GTSE1: variants seen among roughly 807,000 people sequenced by gnomAD.
GTSE1 encodes G2 and S-phase expressed 1.
In GTSE1, 52 loss-of-function variants were observed where a neutral mutation model predicts 60.5. That is an observed-to-expected ratio of 0.86 (90% CI 0.69 to 1.08). The LOEUF is 1.08. GTSE1 is among the 50% of genes least tolerant of loss of function. The pLI is 0.00. For missense variants in GTSE1, 937 were observed against 961.8 expected (o/e 0.97, Z 0.34); for synonymous variants, 368 against 386.5 (o/e 0.95, Z 0.56).
rs749545788 is a variant in GTSE1 at position 46,318,622 on chromosome 22, A to G, written c.1432+2210A>G. On this transcript the variant is annotated intron_variant, in intron 7 of 11. Coordinates refer to ENST00000454366, the MANE Select transcript of GTSE1 (RefSeq NM_016426.7). This position sits in a 1 kb window ranked among gnomAD's most constrained non-coding sequence, Gnocchi z 4.8. ...GGAGGTGACACGGGACTGAGATCTG[A>G]ACCAGGAGACTGAGGCAGCCGGTAG... Among the ~76,000 whole-genome samples the G allele has an allele frequency of 6.6e-6, 1 of 152,096 alleles. No homozygotes were observed. The highest frequency in any genetic ancestry group is 1.5e-5 in the Non-Finnish European group (1 of 68,024).
chr22:46,301,156 A>C (rs544330702), intron 2 of GTSE1, among the ~76,000 whole-genome samples: 1 of 152,312 alleles, frequency 6.6e-6, no homozygotes, highest in African/African-American at 2.4e-5. Context: ...GTGGGTGAAC[A>C]TTTAGTTTGT....
intron 5 of GTSE1, among the ~76,000 whole-genome samples, chr22:46,312,903 A>C (rs567904675): frequency 6.6e-6 from 1 of 151,450 alleles, no homozygotes; most frequent in Admixed American, 6.6e-5. Context: ...TGGCTCACAC[A>C]TGTAATCTCA....
rs1205216865 is a variant in GTSE1 at position 46,316,966 on chromosome 22, G to GT, written c.1432+560dup. ...TTCTTTTCTTTCTTTCTTTTTTTTT[G>GT]TTTTTTGTTTTTTGAGACGGAGTCT... On this transcript the variant is annotated intron_variant, in intron 7 of 11. Transcript: ENST00000454366. This position sits in a 1 kb window ranked among gnomAD's most constrained non-coding sequence, Gnocchi z 5.0. Among the ~76,000 whole-genome samples, 2 of 134,408 alleles carry GT rather than the reference G, an allele frequency of 1.5e-5. No individual in the cohort carries two copies. The highest frequency in any genetic ancestry group is 3.3e-5 in the Non-Finnish European group (2 of 61,436). 88.2% of individuals were successfully genotyped at this position (134,408 alleles called of 152,430 possible).
At chr22:46,328,226 C>T (rs2077854839) in intron 9 of GTSE1, among the ~76,000 whole-genome samples, 2 of 152,140 alleles carry the variant, frequency 1.3e-5, no homozygotes, top group Non-Finnish European at 2.9e-5. Context: ...CAGCCTGTAC[C>T]TGGGGCCTCA....
Position 46,326,426 on chromosome 22 carries a change from T to C in GTSE1, c.1506-10T>C, listed in dbSNP as rs550770083. ...ATCTCAGCTCACGACACTGATGTTG[T>C]GTTTGCCAGGGTCACTGTCCACAGC... On this transcript the variant is annotated splice_polypyrimidine_tract_variant and intron_variant, in intron 8 of 11. Coordinates refer to ENST00000454366, the MANE Select transcript of GTSE1 (RefSeq NM_016426.7). 9.5e-5 allele frequency: 151 copies of C among 1,590,632 alleles called. 2 individuals carry two copies. In the South Asian group the frequency reaches 1.6e-3, roughly 17 times the overall value.
At chr22:46,306,534 G>C (rs911138210) in intron 2 of GTSE1, among the ~76,000 whole-genome samples, 18 of 152,020 alleles carry the variant, frequency 1.2e-4, no homozygotes, top group African/African-American at 4.1e-4. Context: ...AGGCTGGAGT[G>C]CAGTGGCGCA....
Position 46,329,604 on chromosome 22 carries a change from T to C in GTSE1, c.2136+37T>C. 1 of 1,530,754 alleles carries C rather than the reference T, an allele frequency of 6.5e-7. No homozygotes were observed. The allele number at this position is 1,530,754 out of a possible 1,614,324, so 94.8% of individuals were successfully genotyped here. ...CAGGTGGTTCATGTTGACTCAGCCC[T>C]GGGTGTCCTCAGTTCTGGGATTGTT... On this transcript the variant is annotated intron_variant, in intron 11 of 11. Coordinates refer to ENST00000454366, the MANE Select transcript of GTSE1 (RefSeq NM_016426.7). The surrounding 1 kb of genome is among the most constrained non-coding windows in gnomAD (Gnocchi z 6.4).
Position 46,326,574 on chromosome 22 carries a change from G to C in GTSE1, c.1644G>C (p.Thr548=), listed in dbSNP as rs745503057. The C allele has an allele frequency of 1.4e-5, 22 of 1,613,962 alleles. 1 individual carries two copies. In the South Asian group the frequency reaches 2.2e-4, roughly 16 times the overall value. The change falls in exon 9 of 12, where the codon ACG becomes ACC. Residue 548 remains threonine, a synonymous_variant. Coordinates refer to ENST00000454366, the MANE Select transcript of GTSE1 (RefSeq NM_016426.7). ...GCCTTCCACCGATGACCCCCAAAAC[G>C]ATGCCCAGGGCCGTGGGCTCTCCCC... ...CSGLPPMTPK[T]MPRAVGSPLC...
rs961507248 is a variant in GTSE1 at position 46,309,286 on chromosome 22, T to C, written c.762+343T>C. On this transcript the variant is annotated intron_variant, in intron 4 of 11. Transcript: ENST00000454366. This position sits in a 1 kb window ranked among gnomAD's most constrained non-coding sequence, Gnocchi z 6.2. ...CTGCAATGGCTGCTAGTCAGCCTCCTTGACCGTGCCTCAGTTTACACTGCA... is the reference window on the plus strand; with the variant it reads ...CTGCAATGGCTGCTAGTCAGCCTCCCTGACCGTGCCTCAGTTTACACTGCA... Among the ~76,000 whole-genome samples, 11 of 152,200 alleles carry C rather than the reference T, an allele frequency of 7.2e-5. No individual in the cohort carries two copies. The highest frequency in any genetic ancestry group is 5.9e-4 in the Admixed American group (9 of 15,290).
At position 46,319,783 on chromosome 22, in the gene GTSE1, C is replaced by T. The variant is rs547608064; in HGVS notation, c.1432+3371C>T. On this transcript the variant is annotated intron_variant, in intron 7 of 11. Coordinates refer to ENST00000454366, the MANE Select transcript of GTSE1 (RefSeq NM_016426.7). The surrounding 1 kb of genome is among the most constrained non-coding windows in gnomAD (Gnocchi z 5.0). ...AGCAGATCACCTGAGGTCAGGAGTT[C>T]GAGAGCAGCCTGGTCAACATGGTGA... 1.7e-4 allele frequency among the ~76,000 whole-genome samples: 26 copies of T among 152,042 alleles called. No homozygotes were observed. The highest frequency in any genetic ancestry group is 5.1e-4 in the African/African-American group (21 of 41,448).
In GTSE1 at chr22:46,308,702, T is replaced by G; in HGVS notation, c.521T>G (p.Leu174Arg). ...TACTACCTGTCAGACAGCCCCTTGC[T>G]GGGGCCCCCTGTGGGTGAGCCTCGG... Reference protein sequence around the residue: ...ETYYLSDSPLLGPPVGEPRLL... With the variant: ...ETYYLSDSPLRGPPVGEPRLL... Residue 174 changes from leucine (L) to arginine (R), a missense_variant, in exon 4 of 12, where the codon CTG (leucine) becomes CGG (arginine). Coordinates refer to ENST00000454366, the MANE Select transcript of GTSE1 (RefSeq NM_016426.7). 1 of 1,613,782 alleles carries G rather than the reference T, an allele frequency of 6.2e-7. No homozygotes were observed. Among genetic ancestry groups the G allele is most frequent in the Non-Finnish European group, 8.5e-7 (1 of 1,180,048 alleles).
chr22:46,313,207 G>T lies in GTSE1; in HGVS notation c.928-683G>T, dbSNP rs539368086. 2.0e-5 allele frequency among the ~76,000 whole-genome samples: 3 copies of T among 151,378 alleles called. No homozygotes were observed. The highest frequency in any genetic ancestry group is 7.3e-5 in the African/African-American group (3 of 41,234). ...AAAAAGGAAAAGAAAGAAAATTGCG[G>T]TTCCTCACAGGCATGGAGACTACCA... On this transcript the variant is annotated intron_variant, in intron 5 of 11. Transcript: ENST00000454366. This position sits in a 1 kb window ranked among gnomAD's most constrained non-coding sequence, Gnocchi z 4.4.
In GTSE1 at chr22:46,304,179, GCTGGGGT is replaced by G. The variant is rs1218330853; in HGVS notation, c.80-3968_80-3962del. On this transcript the variant is annotated intron_variant, in intron 2 of 11. Coordinates refer to ENST00000454366, the MANE Select transcript of GTSE1 (RefSeq NM_016426.7). The surrounding 1 kb of genome is among the most constrained non-coding windows in gnomAD (Gnocchi z 4.4). The stretch of plus-strand genomic sequence containing the variant: ...TCATTTTTTTTTTTCTTTTTGTAGA[GCTGGGGT>G]CTCGCTATGTTGCGAGGGCTGGCCT... Among the ~76,000 whole-genome samples the G allele has an allele frequency of 6.6e-6, 1 of 151,700 alleles. No homozygotes were observed. The highest frequency in any genetic ancestry group is 1.5e-5 in the Non-Finnish European group (1 of 67,954).
rs1267546742 is a variant in GTSE1 at position 46,297,620 on chromosome 22, G to C, written c.79+141G>C. 12 of 619,064 alleles carry C rather than the reference G, an allele frequency of 1.9e-5. No homozygotes were observed. The highest frequency in any genetic ancestry group is 3.1e-5 in the Non-Finnish European group (11 of 352,040). 38.3% of individuals were successfully genotyped at this position (619,064 alleles called of 1,614,324 possible). On this transcript the variant is annotated intron_variant, in intron 2 of 11. Transcript: ENST00000454366. This position sits in a 1 kb window ranked among gnomAD's most constrained non-coding sequence, Gnocchi z 4.9. ...TGTGAAACACATGACATCTGCCTTC[G>C]TTTTCTGGTTTTCTTTCACCTCCTC...
Position 46,309,055 on chromosome 22 carries a change from C to A in GTSE1, c.762+112C>A. 8.3e-7 allele frequency: 1 copy of A among 1,202,446 alleles called. No individual in the cohort carries two copies. The highest frequency in any genetic ancestry group is 1.2e-6 in the Non-Finnish European group (1 of 866,604). 74.5% of individuals were successfully genotyped at this position (1,202,446 alleles called of 1,614,324 possible). A position where few individuals can be genotyped will look rare whatever the true frequency, so the allele number is the denominator to read the frequency against. Reference sequence around the variant, plus strand: ...AGAGGTGGCGAGTCTCTGAGGCCTACAAAACACAGGAATGCGGAGTCCAGG... The same window carrying A: ...AGAGGTGGCGAGTCTCTGAGGCCTAAAAAACACAGGAATGCGGAGTCCAGG... On this transcript the variant is annotated intron_variant, in intron 4 of 11. Coordinates refer to ENST00000454366, the MANE Select transcript of GTSE1 (RefSeq NM_016426.7). This position sits in a 1 kb window ranked among gnomAD's most constrained non-coding sequence, Gnocchi z 6.2.
intron 7 of GTSE1, among the ~76,000 whole-genome samples, chr22:46,322,006 G>A (rs1356419143): frequency 6.6e-6 from 1 of 150,516 alleles, no homozygotes; most frequent in Non-Finnish European, 1.5e-5. Context: ...CCCAGGAGGC[G>A]GAGGTTGCGG....
chr22:46,321,543 G>T lies in GTSE1; in HGVS notation c.1433-1647G>T, dbSNP rs1324899929. On this transcript the variant is annotated intron_variant, in intron 7 of 11. Transcript: ENST00000454366. This position sits in a 1 kb window ranked among gnomAD's most constrained non-coding sequence, Gnocchi z 4.0. The stretch of plus-strand genomic sequence containing the variant: ...GAGGCCTGGTGAACGCACAGGTGGG[G>T]GCGGTGGGGAGGTGTGAGGGGCAGA... 6.6e-6 allele frequency among the ~76,000 whole-genome samples: 1 copy of T among 152,226 alleles called. No individual in the cohort carries two copies. Among genetic ancestry groups the T allele is most frequent in the Non-Finnish European group, 1.5e-5 (1 of 68,040 alleles).
intron 2 of GTSE1, among the ~76,000 whole-genome samples, chr22:46,305,559 A>G (rs1268952647): frequency 6.6e-6 from 1 of 151,732 alleles, no homozygotes; most frequent in Non-Finnish European, 1.5e-5. Context: ...TAGTGAGCCA[A>G]GATCACACCA....
At chr22:46,301,437 C>T (rs946140068) in intron 2 of GTSE1, among the ~76,000 whole-genome samples, 1 of 151,966 alleles carries the variant, frequency 6.6e-6, no homozygotes, top group Non-Finnish European at 1.5e-5. Flanking sequence ...TTGAGTTTTG[C>T]CAGTCATATA....
Sources: gnomAD v4.1 joint callset for allele counts (sites outside exome capture counted in the v4.1 genomes callset) on GRCh38, gnomAD v4.1.1 for gene constraint, Gnocchi (gnomAD v3.1) non-coding constraint, MANE v1.5 for transcripts, NCBI Gene and HGNC (gene_info 2026-07-23, HGNC 2026-07-21) for gene names.